LETM1: variants seen among roughly 807,000 people sequenced by gnomAD.
LETM1 encodes mitochondrial proton/calcium exchanger protein.
Under a neutral mutation model 74.5 loss-of-function variants are expected in LETM1, and 50 were observed. The ratio of observed to expected loss-of-function variants is 0.67; its 90% CI spans 0.53 to 0.85. The LOEUF is 0.85. Ranked by LOEUF, LETM1 falls within the 40% of genes least tolerant of loss-of-function variation. The pLI is 0.00. For synonymous variants in LETM1, 446 were observed against 407.1 expected (o/e 1.10, Z -1.15); for missense variants, 824 against 967.8 (o/e 0.85, Z 1.97).
intron 3 of LETM1, 82 bp downstream of exon 3, chr4:1,841,265 T>A (rs1269072876): frequency 7.7e-7 from 1 of 1,299,396 alleles, no homozygotes; most frequent in Non-Finnish European, 1.1e-6. Flanking sequence ...GGATCGCCCA[T>A]GCCCAGGAAA....
chr4:1,832,078 A>T (rs1712291520), intron 6 of LETM1, among the ~76,000 whole-genome samples: 1 of 152,190 alleles, frequency 6.6e-6, no homozygotes, highest in African/African-American at 2.4e-5. Flanking sequence ...ATGTGGGCAG[A>T]TCGCTTGAGG....
At position 1,855,912 on chromosome 4, in the gene LETM1, C is replaced by A; in HGVS notation, c.39G>T (p.Ala13=). ...SILLRSCRGR[A]PARLPPPPRY... ...GAGGCGGCGGCGGGAGGCGGGCGGG[C>A]GCCCGGCCGCGGCAGCTCCTCAGTA... The change falls in exon 1 of 14, where the codon GCG becomes GCT. Residue 13 remains alanine, a synonymous_variant. Coordinates refer to ENST00000302787, the MANE Select transcript of LETM1 (RefSeq NM_012318.3). 1.6e-6 allele frequency: 2 copies of A among 1,237,256 alleles called. No homozygotes were observed. The highest frequency in any genetic ancestry group is 4.2e-5 in the Admixed American group (1 of 23,562). The allele number at this position is 1,237,256 out of a possible 1,614,324, so 76.6% of individuals were successfully genotyped here.
intron 12 of LETM1, 83 bp from the exon 13 acceptor site, chr4:1,815,885 G>A (rs1278749529): frequency 6.5e-7 from 1 of 1,546,964 alleles, no homozygotes; most frequent in East Asian, 2.3e-5. Flanking sequence ...GGCTGCAAGT[G>A]GTCAGCACTG....
chr4:1,853,920 A>G (rs963679546), intron 1 of LETM1, among the ~76,000 whole-genome samples: 10 of 152,236 alleles, frequency 6.6e-5, no homozygotes, highest in African/African-American at 2.4e-4. Flanking sequence ...GCACAGTAGT[A>G]ACTACAGAAG....
Position 1,845,535 on chromosome 4 carries a change from TTTTC to T in LETM1, c.143+3610_143+3613del, listed in dbSNP as rs1488786996. Among the ~76,000 whole-genome samples, 751 of 151,098 alleles carry T rather than the reference TTTTC, an allele frequency of 5.0e-3. 1 individual carries two copies. Among genetic ancestry groups the T allele is most frequent in the Admixed American group, 0.011 (169 of 15,168 alleles). On this transcript the variant is annotated intron_variant, in intron 2 of 13. Transcript: ENST00000302787. The stretch of plus-strand genomic sequence containing the variant: ...AACATTACCACCATCCATAATTCTT[TTTTC>T]TTTTTTTTTTCTTTTTTTTTTTTTT...
chr4:1,814,313 T>C lies in LETM1; in HGVS notation c.*111A>G. On this transcript the variant is annotated 3_prime_UTR_variant, in exon 14 of 14. Coordinates refer to ENST00000302787, the MANE Select transcript of LETM1 (RefSeq NM_012318.3). Reference sequence around the variant, plus strand: ...CTTGATTATGGAAGTCTCTGATTTATTCCAGCCAAAATATTAGATGAGCCA... The same window carrying C: ...CTTGATTATGGAAGTCTCTGATTTACTCCAGCCAAAATATTAGATGAGCCA... 1 of 1,516,594 alleles carries C rather than the reference T, an allele frequency of 6.6e-7. No individual in the cohort carries two copies. Among genetic ancestry groups the C allele is most frequent in the Non-Finnish European group, 9.0e-7 (1 of 1,111,872 alleles). 93.9% of individuals were successfully genotyped at this position (1,516,594 alleles called of 1,614,324 possible). A position where few individuals can be genotyped will look rare whatever the true frequency, so the allele number is the denominator to read the frequency against.
At chr4:1,853,256 ACAGCC>A (rs1157701667) in intron 1 of LETM1, among the ~76,000 whole-genome samples, 6 of 152,196 alleles carry the variant, frequency 3.9e-5, no homozygotes, top group Non-Finnish European at 8.8e-5. Flanking sequence ...CCTCTCCCAC[ACAGCC>A]CTTGGAGTCA....
intron 1 of LETM1, among the ~76,000 whole-genome samples, chr4:1,852,230 CTTGGTT>C (rs1399973067): frequency 6.6e-6 from 1 of 152,184 alleles, no homozygotes; most frequent in African/African-American, 2.4e-5. Flanking sequence ...CCATGACCGC[CTTGGTT>C]TTGATCATTC....
In LETM1 at chr4:1,834,644, C is replaced by A; in HGVS notation, c.876+201G>T. On this transcript the variant is annotated intron_variant, in intron 5 of 13. Transcript: ENST00000302787. This position sits in a 1 kb window ranked among gnomAD's most constrained non-coding sequence, Gnocchi z 5.0. Reference sequence around the variant, plus strand: ...AATTCTGAAGGCTGACGAGGCGCAGCCACCACAGCTTAACTCACTGGGAGC... The same window carrying A: ...AATTCTGAAGGCTGACGAGGCGCAGACACCACAGCTTAACTCACTGGGAGC... 7.1e-7 allele frequency: 1 copy of A among 1,406,052 alleles called. No individual in the cohort carries two copies. The allele number at this position is 1,406,052 out of a possible 1,614,324, so 87.1% of individuals were successfully genotyped here.
intron 1 of LETM1, among the ~76,000 whole-genome samples, chr4:1,855,406 T>C (rs1028364021): frequency 2.0e-5 from 3 of 152,210 alleles, no homozygotes; most frequent in East Asian, 1.9e-4. Flanking sequence ...GGTTTGTAGG[T>C]GCTGGCATCA....
chr4:1,821,536 A>G (rs1711774971), intron 10 of LETM1, among the ~76,000 whole-genome samples: 1 of 151,970 alleles, frequency 6.6e-6, no homozygotes, highest in Non-Finnish European at 1.5e-5. Flanking sequence ...TAAAAATACA[A>G]AAATTTGCTG....
chr4:1,822,501 TC>T, intron 9 of LETM1, 189 bp from the exon 10 acceptor site: 1 of 515,078 alleles, frequency 1.9e-6, no homozygotes, highest in Non-Finnish European at 3.1e-6. Context: ...TGGGGCCCTC[TC>T]CAGAACAGGC....
chr4:1,815,373 AC>A (rs529258041), intron 13 of LETM1, among the ~76,000 whole-genome samples: 2 of 151,454 alleles, frequency 1.3e-5, no homozygotes, highest in African/African-American at 2.4e-5. Context: ...TGTTTGCTGC[AC>A]CCCCCCGGCT....
intron 1 of LETM1, among the ~76,000 whole-genome samples, chr4:1,850,368 C>G (rs1713026884): frequency 6.6e-6 from 1 of 152,114 alleles, no homozygotes; most frequent in African/African-American, 2.4e-5. Context: ...GGAAGCCAAG[C>G]AGGCCAGCCC....
At chr4:1,817,993 C>T (rs368781836) in intron 11 of LETM1, among the ~76,000 whole-genome samples, 27 of 152,242 alleles carry the variant, frequency 1.8e-4, no homozygotes, top group East Asian at 3.9e-4. Context: ...TTGCCCAGGC[C>T]GGTCTCAAAC....
chr4:1,820,526 C>T (rs1397034350), intron 10 of LETM1, among the ~76,000 whole-genome samples: 1 of 152,200 alleles, frequency 6.6e-6, no homozygotes, highest in African/African-American at 2.4e-5. Flanking sequence ...GACAGACAAC[C>T]TCATCAGCGT....
At chr4:1,830,136 T>C (rs912735909) in intron 6 of LETM1, among the ~76,000 whole-genome samples, 1 of 152,212 alleles carries the variant, frequency 6.6e-6, no homozygotes, top group East Asian at 1.9e-4. Flanking sequence ...TGGTTGACAC[T>C]TGCTATAGCA....
intron 2 of LETM1, among the ~76,000 whole-genome samples, chr4:1,842,740 A>G (rs1712747185): frequency 6.6e-6 from 1 of 152,042 alleles, no homozygotes; most frequent in Non-Finnish European, 1.5e-5. Context: ...TGCCATATCC[A>G]CCCACAGAAA....
chr4:1,814,357 C>T lies in LETM1; in HGVS notation c.*67G>A. 1.2e-6 allele frequency: 2 copies of T among 1,609,268 alleles called. No individual in the cohort carries two copies. The highest frequency in any genetic ancestry group is 1.7e-4 in the Middle Eastern group (1 of 5,824). On this transcript the variant is annotated 3_prime_UTR_variant, in exon 14 of 14. Coordinates refer to ENST00000302787, the MANE Select transcript of LETM1 (RefSeq NM_012318.3). ...TGAGCCACTGAGAATCACCACAAAG[C>T]AATCGCCCTCACGGCCCTTGCCAGG...
Sources: gnomAD v4.1 joint callset for allele counts (sites outside exome capture counted in the v4.1 genomes callset) on GRCh38, gnomAD v4.1.1 for gene constraint, Gnocchi (gnomAD v3.1) non-coding constraint, MANE v1.5 for transcripts, NCBI Gene and HGNC (gene_info 2026-07-23, HGNC 2026-07-21) for gene names.